CCDC93: variants seen among roughly 807,000 people sequenced by gnomAD.
The protein encoded by CCDC93 is coiled-coil domain-containing protein 93.
A neutral mutation model predicts 108.2 loss-of-function variants in CCDC93; 61 were observed. The observed-to-expected ratio is 0.56, with a 90% CI of 0.46 to 0.70. The LOEUF is 0.70. CCDC93 is among the 30% of genes least tolerant of loss of function. The pLI is 0.00. For synonymous variants in CCDC93, 276 were observed against 260.4 expected (o/e 1.06, Z -0.58); for missense variants, 685 against 764.2 (o/e 0.90, Z 1.22).
chr2:117,936,563 C>G lies in CCDC93; in HGVS notation c.1643+139G>C, dbSNP rs1678531704. 3 of 753,992 alleles carry G rather than the reference C, an allele frequency of 4.0e-6. No homozygotes were observed. In the East Asian group the frequency reaches 7.4e-5, roughly 19 times the overall value. 46.7% of individuals were successfully genotyped at this position (753,992 alleles called of 1,614,324 possible). A position where few individuals can be genotyped will look rare whatever the true frequency, so the allele number is the denominator to read the frequency against. On this transcript the variant is annotated intron_variant, in intron 21 of 23. Coordinates refer to ENST00000376300, the MANE Select transcript of CCDC93 (RefSeq NM_019044.5). ...GTAAACAAGATACTTAGCAGAAGGGCTAAAAGAGTAAGAATCACATACCCA... is the reference window on the plus strand; with the variant it reads ...GTAAACAAGATACTTAGCAGAAGGGGTAAAAGAGTAAGAATCACATACCCA...
At chr2:117,951,579 T>C in intron 13 of CCDC93, 1 of 1,000,070 alleles carries the variant, frequency 1.0e-6, no homozygotes, top group Non-Finnish European at 1.2e-6. Flanking sequence ...GATCCTAGCT[T>C]CCAAATCGTC....
rs368632876 is a variant in CCDC93, at chr2:117,975,261, G to A, written c.677C>T (p.Ala226Val). 6.1e-5 allele frequency: 99 copies of A among 1,613,084 alleles called. No individual in the cohort carries two copies. Among genetic ancestry groups the A allele is most frequent in the Non-Finnish European group, 8.1e-5 (95 of 1,179,838 alleles). Reference sequence around the variant, plus strand: ...TGTAGCTGACAGCCCTGCTGGAAGTGCCGTTTTCTTGTCCTCAGCCTGCAA... The same window carrying A: ...TGTAGCTGACAGCCCTGCTGGAAGTACCGTTTTCTTGTCCTCAGCCTGCAA... ...KMEKAEDKKT[A>V]LPAGLSATEK... The change falls in exon 9 of 24, where the codon GCA (alanine) becomes GTA (valine). Residue 226 changes from alanine (A) to valine (V), a missense_variant. Coordinates refer to ENST00000376300, the MANE Select transcript of CCDC93 (RefSeq NM_019044.5).
chr2:117,952,873 C>A, intron 12 of CCDC93, among the ~76,000 whole-genome samples: 1 of 152,142 alleles, frequency 6.6e-6, no homozygotes, highest in East Asian at 1.9e-4. Context: ...CATTTCAGCA[C>A]TTGAGATCCC....
intron 21 of CCDC93, chr2:117,936,451 C>T: frequency 2.3e-6 from 1 of 431,348 alleles, no homozygotes; most frequent in Non-Finnish European, 4.1e-6. Flanking sequence ...TAGGTGGGTA[C>T]AGTCAAAGTA....
rs1203328978 is a variant in CCDC93 at position 117,916,202 on chromosome 2, A to C, written c.*4141T>G. The C allele has an allele frequency of 6.6e-6, 1 of 152,066 alleles. No individual in the cohort carries two copies. The highest frequency in any genetic ancestry group is 2.4e-5 in the African/African-American group (1 of 41,392). 9.4% of individuals were successfully genotyped at this position (152,066 alleles called of 1,614,324 possible). ...ACCCACAGCCTTGCACTGTGGTCCCACTTCTTGGTTCACATGGCTGAGACA... is the reference window on the plus strand; with the variant it reads ...ACCCACAGCCTTGCACTGTGGTCCCCCTTCTTGGTTCACATGGCTGAGACA... On this transcript the variant is annotated 3_prime_UTR_variant, in exon 24 of 24. Coordinates refer to ENST00000376300, the MANE Select transcript of CCDC93 (RefSeq NM_019044.5).
At chr2:117,974,989 T>A in intron 9 of CCDC93, 89 bp from the exon 10 acceptor site, 1 of 1,180,060 alleles carries the variant, frequency 8.5e-7, no homozygotes, top group Admixed American at 1.9e-5. Context: ...TGCGGTGATA[T>A]CCAAGGGTGT....
chr2:117,967,594 C>T (rs1478865932), intron 11 of CCDC93, among the ~76,000 whole-genome samples: 1 of 152,210 alleles, frequency 6.6e-6, no homozygotes, highest in Non-Finnish European at 1.5e-5. Context: ...AGGAGGCTGT[C>T]CCTGCTTCTC....
At position 117,919,562 on chromosome 2, in the gene CCDC93, C is replaced by A. The variant is rs1432488230; in HGVS notation, c.*781G>T. The A allele has an allele frequency of 6.6e-6, 1 of 152,244 alleles. No homozygotes were observed. The highest frequency in any genetic ancestry group is 1.9e-4 in the East Asian group (1 of 5,200). The allele number at this position is 152,244 out of a possible 1,614,324, so 9.4% of individuals were successfully genotyped here. A position where few individuals can be genotyped will look rare whatever the true frequency, so the allele number is the denominator to read the frequency against. On this transcript the variant is annotated 3_prime_UTR_variant, in exon 24 of 24. Transcript: ENST00000376300. ...CTTCAATGAGGGGGATGCACAGCCC[C>A]TCTGCATGCTGTGACTCACATGAAC...
chr2:117,925,872 A>G (rs1266506060), intron 23 of CCDC93, among the ~76,000 whole-genome samples: 5 of 152,222 alleles, frequency 3.3e-5, no homozygotes, highest in African/African-American at 1.2e-4. Context: ...ATGGAAGTAA[A>G]GCACTCCTCA....
intron 6 of CCDC93, among the ~76,000 whole-genome samples, chr2:117,992,301 G>A (rs1680498379): frequency 6.6e-6 from 1 of 152,062 alleles, no homozygotes; most frequent in Admixed American, 6.5e-5. Context: ...GGAGTATAGT[G>A]GCATAATCAC....
At chr2:118,000,147 A>G (rs888089124) in intron 4 of CCDC93, 1 of 152,274 alleles carries the variant, frequency 6.6e-6, no homozygotes, top group African/African-American at 2.4e-5. Flanking sequence ...CATGCAGCTT[A>G]AGAGTCTAAT....
In CCDC93 at chr2:117,975,224, AT is replaced by A. The variant is rs748981461; in HGVS notation, c.713del (p.Asp238ValfsTer19). 3 of 1,613,978 alleles carry A rather than the reference AT, an allele frequency of 1.9e-6. No individual in the cohort carries two copies. The highest frequency in any genetic ancestry group is 2.5e-6 in the Non-Finnish European group (3 of 1,179,980). On this transcript the variant is annotated frameshift_variant, in exon 9 of 24. Coordinates refer to ENST00000376300, the MANE Select transcript of CCDC93 (RefSeq NM_019044.5). LOFTEE classifies it high-confidence loss of function. ...CTCGAAGCTCATCTTCCTCGTGGGC[AT>A]CAGCTTTTTCTGTAGCTGACAGCCC... ...PAGLSATEKA[D>X]AHEEDELRAA...
At chr2:117,974,331 A>G (rs1679863232) in intron 10 of CCDC93, among the ~76,000 whole-genome samples, 1 of 152,176 alleles carries the variant, frequency 6.6e-6, no homozygotes, top group Admixed American at 6.5e-5. Context: ...TGGCAGGCCT[A>G]GGACACAGGG....
Position 117,917,103 on chromosome 2 carries a change from CT to C in CCDC93, c.*3239del, listed in dbSNP as rs1558760716. The C allele has an allele frequency of 1.3e-5, 2 of 151,702 alleles. No individual in the cohort carries two copies. The highest frequency in any genetic ancestry group is 4.9e-5 in the African/African-American group (2 of 40,990). The allele number at this position is 151,702 out of a possible 1,614,324, so 9.4% of individuals were successfully genotyped here. Reference sequence around the variant, plus strand: ...GAACAAGTGGTCAGGCTCAAAGTAACTGTGCTACTGCTAGATACCTACCTCC... The same window carrying C: ...GAACAAGTGGTCAGGCTCAAAGTAACGTGCTACTGCTAGATACCTACCTCC... On this transcript the variant is annotated 3_prime_UTR_variant, in exon 24 of 24. Coordinates refer to ENST00000376300, the MANE Select transcript of CCDC93 (RefSeq NM_019044.5).
rs1334251383 is a variant in CCDC93, at chr2:117,948,008, A to AACTGC, written c.1224+92_1224+96dup. The AACTGC allele has an allele frequency of 4.0e-6, 4 of 991,522 alleles. No homozygotes were observed. The African/African-American group carries it at 6.5e-5, about 16-fold the overall frequency. The allele number at this position is 991,522 out of a possible 1,614,324, so 61.4% of individuals were successfully genotyped here. A position where few individuals can be genotyped will look rare whatever the true frequency, so the allele number is the denominator to read the frequency against. Reference sequence around the variant, plus strand: ...TGCGCCTGGCCAAATCTGCTTTTTAAACTGCACTGGATAGGATGCCACAAC... The same window carrying AACTGC: ...TGCGCCTGGCCAAATCTGCTTTTTAAACTGCACTGCACTGGATAGGATGCCACAAC... On this transcript the variant is annotated intron_variant, in intron 15 of 23. Coordinates refer to ENST00000376300, the MANE Select transcript of CCDC93 (RefSeq NM_019044.5).
At chr2:117,982,910 G>A (rs1386182615) in intron 7 of CCDC93, among the ~76,000 whole-genome samples, 3 of 152,156 alleles carry the variant, frequency 2.0e-5, no homozygotes, top group Non-Finnish European at 4.4e-5. Flanking sequence ...GCTAGAGGGA[G>A]GGCTAGTGTG....
intron 11 of CCDC93, among the ~76,000 whole-genome samples, chr2:117,967,261 G>A (rs141355535): frequency 0.053 from 8,047 of 152,264 alleles, 285 homozygotes; most frequent in Non-Finnish European, 0.082. Flanking sequence ...CCAAAGTGCT[G>A]GGATTACAGG....
At chr2:117,962,396 C>T (rs1404946502) in intron 11 of CCDC93, among the ~76,000 whole-genome samples, 2 of 152,214 alleles carry the variant, frequency 1.3e-5, no homozygotes, top group Admixed American at 6.5e-5. Context: ...GTAATCCCAG[C>T]ACCTCCAGAG....
chr2:117,971,994 T>C (rs1679778906), intron 11 of CCDC93, among the ~76,000 whole-genome samples: 1 of 152,214 alleles, frequency 6.6e-6, no homozygotes, highest in Non-Finnish European at 1.5e-5. Context: ...TCTTAGTATA[T>C]GTGGGGGATT....
Sources: allele counts gnomAD v4.1 joint callset (sites outside exome capture counted in the v4.1 genomes callset), GRCh38; gene constraint gnomAD v4.1.1; transcripts MANE v1.5; gene names NCBI Gene and HGNC (gene_info 2026-07-23, HGNC 2026-07-21).